The following TSN variants were observed in gnomAD, a reference collection of about 807,000 sequenced individuals.
TSN encodes the protein translin.
TSN carries 5 observed loss-of-function variants against 29.4 expected under a neutral mutation model. That is an observed-to-expected ratio of 0.17 (90% CI 0.09 to 0.36). The LOEUF is 0.36. Ranked by LOEUF, TSN falls within the 10% of genes least tolerant of loss-of-function variation. TSN has a pLI of 1.00. For synonymous variants in TSN, 106 were observed against 102.2 expected (o/e 1.04, Z -0.23); for missense variants, 159 against 272.8 (o/e 0.58, Z 2.94).
At chr2:121,759,454 G>A (rs906765990) in intron 3 of TSN, among the ~76,000 whole-genome samples, 7 of 152,006 alleles carry the variant, frequency 4.6e-5, no homozygotes, top group African/African-American at 1.7e-4. Context: ...CTAAAAATAC[G>A]AAAATTAGCC....
intron 1 of TSN, chr2:121,756,101 G>C: frequency 1.5e-6 from 1 of 684,622 alleles, no homozygotes; most frequent in Non-Finnish European, 2.3e-6. Flanking sequence ...TTCAGCACTT[G>C]TTTATATCGA....
intron 5 of TSN, 90 bp downstream of exon 5, chr2:121,763,174 G>T (rs287796): frequency 2.2e-6 from 2 of 918,202 alleles, no homozygotes; most frequent in East Asian, 3.3e-5. Flanking sequence ...ACAGAGTCCC[G>T]CTCTGTCGCC....
In TSN at chr2:121,761,535, T is replaced by G. The variant is rs775626150; in HGVS notation, c.373+11T>G. 1.4e-5 allele frequency: 23 copies of G among 1,587,930 alleles called. No individual in the cohort carries two copies. Among genetic ancestry groups the G allele is most frequent in the Non-Finnish European group, 1.9e-5 (22 of 1,156,220 alleles). On this transcript the variant is annotated intron_variant, in intron 4 of 5. Transcript: ENST00000389682. ...CAGAAATTCTTGGCAGTAAGTGTCT[T>G]TATTAGTGGGATCTGCAGAATCAGG...
Position 121,758,695 on chromosome 2 carries a change from A to G in TSN, c.161-15A>G, listed in dbSNP as rs1171020958. The G allele has an allele frequency of 6.5e-7, 1 of 1,539,470 alleles. No homozygotes were observed. Among genetic ancestry groups the G allele is most frequent in the South Asian group, 1.3e-5 (1 of 77,688 alleles). On this transcript the variant is annotated splice_polypyrimidine_tract_variant and intron_variant, in intron 2 of 5. Transcript: ENST00000389682. Reference sequence around the variant, plus strand: ...ATTTGGTTAAGTTTTTCATTTGGTTATCTTTTGTGACTAGTTCCAAAGAGG... The same window carrying G: ...ATTTGGTTAAGTTTTTCATTTGGTTGTCTTTTGTGACTAGTTCCAAAGAGG...
chr2:121,759,839 A>T (rs1254154453), intron 3 of TSN, among the ~76,000 whole-genome samples: 1 of 152,250 alleles, frequency 6.6e-6, no homozygotes. Context: ...TTGACAAACC[A>T]CTAGTGGCTG....
chr2:121,755,921 G>C, intron 1 of TSN, 76 bp downstream of exon 1: 2 of 1,601,380 alleles, frequency 1.2e-6, no homozygotes, highest in Non-Finnish European at 1.7e-6. Flanking sequence ...CTCCTCTGTC[G>C]CTCAGTCTCG....
chr2:121,757,479 A>G (rs2106452103), intron 2 of TSN, 146 bp downstream of exon 2: 1 of 1,485,100 alleles, frequency 6.7e-7, no homozygotes, highest in Middle Eastern at 1.9e-4. Flanking sequence ...ATTTTGGTTG[A>G]TTTTTCTTCC....
intron 4 of TSN, 23 bp from the exon 5 acceptor site, chr2:121,762,982 C>A: frequency 6.3e-7 from 1 of 1,588,762 alleles, no homozygotes; most frequent in Non-Finnish European, 8.6e-7. Flanking sequence ...CACAGCATGA[C>A]TTTATTTTCA....
intron 1 of TSN, chr2:121,756,192 T>C (rs879388770): frequency 1.4e-4 from 49 of 344,530 alleles, no homozygotes; most frequent in South Asian, 4.8e-4. Context: ...TGTGATCTGC[T>C]TAAAACTCTC....
chr2:121,759,249 CTG>C (rs1215032142), intron 3 of TSN, among the ~76,000 whole-genome samples: 1 of 152,100 alleles, frequency 6.6e-6, no homozygotes, highest in Non-Finnish European at 1.5e-5. Flanking sequence ...AAAATCAACA[CTG>C]TTGATTTTAA....
intron 3 of TSN, among the ~76,000 whole-genome samples, chr2:121,760,917 G>A (rs763899078): frequency 6.7e-6 from 1 of 150,098 alleles, no homozygotes; most frequent in Non-Finnish European, 1.5e-5. Flanking sequence ...GTCGTTCAGG[G>A]TGGAGTGCAG....
intron 5 of TSN, 52 bp downstream of exon 5, chr2:121,763,136 AGTTTT>A: frequency 3.1e-6 from 2 of 650,838 alleles, no homozygotes; most frequent in Non-Finnish European, 4.6e-6. Context: ...CTTCACTGTC[AGTTTT>A]TTTTTTTTTT....
At position 121,755,806 on chromosome 2, in the gene TSN, G is replaced by T; in HGVS notation, c.27G>T (p.Glu9Asp). The change falls in exon 1 of 6, where the codon GAG (glutamate) becomes GAT (aspartate). Residue 9 changes from glutamate (E) to aspartate (D), a missense_variant. By Grantham distance (45) the Glu-to-Asp change is conservative. Transcript: ENST00000389682. ...TGTCTGTGAGCGAGATCTTCGTGGA[G>T]CTGCAGGGCTTTTTGGCTGCCGAGC... MSVSEIFV[E>D]LQGFLAAEQD... is the part of the protein sequence containing the mutation. 1 of 1,614,072 alleles carries T rather than the reference G, an allele frequency of 6.2e-7. No individual in the cohort carries two copies.
At chr2:121,763,122 T>C in intron 5 of TSN, 38 bp downstream of exon 5, 2 of 1,389,692 alleles carry the variant, frequency 1.4e-6, no homozygotes, top group Non-Finnish European at 2.0e-6. Context: ...TTTTGATCTT[T>C]CTGCTTCACT....
chr2:121,755,936 G>A, intron 1 of TSN, 91 bp downstream of exon 1: 26 of 1,588,570 alleles, frequency 1.6e-5, no homozygotes, highest in Non-Finnish European at 2.2e-5. Context: ...GTCTCGGGCG[G>A]TGGGGACGCC....
Position 121,758,853 on chromosome 2 carries a change from G to A in TSN, c.257+47G>A, listed in dbSNP as rs2074783573. On this transcript the variant is annotated intron_variant, in intron 3 of 5. Transcript: ENST00000389682. ...ATTTTATAATGTTAAGTAAAAAAAA[G>A]GAGAAAAATTATGTGTACCAAATGA... 36 of 1,314,464 alleles carry A rather than the reference G, an allele frequency of 2.7e-5. No homozygotes were observed. The East Asian group carries it at 9.5e-4, about 35-fold the overall frequency. 81.4% of individuals were successfully genotyped at this position (1,314,464 alleles called of 1,614,324 possible).
At chr2:121,757,583 G>GA (rs34573779) in intron 2 of TSN, 1,290 of 571,964 alleles carry the variant, frequency 2.3e-3, no homozygotes, top group Non-Finnish European at 2.6e-3. Context: ...TTCCTGTTTA[G>GA]AAAAAAAAAG....
intron 5 of TSN, among the ~76,000 whole-genome samples, chr2:121,764,371 A>G (rs1343690548): frequency 6.6e-6 from 1 of 152,106 alleles, no homozygotes; most frequent in Non-Finnish European, 1.5e-5. Flanking sequence ...TTTGGAGACC[A>G]AGGTGGGAGG....
chr2:121,759,651 C>T (rs75186957), intron 3 of TSN, among the ~76,000 whole-genome samples: 4,015 of 151,986 alleles, frequency 0.026, 178 homozygotes, highest in African/African-American at 0.09. Context: ...GAAATGTCTC[C>T]TGGTTTCATA....
Sources: allele counts gnomAD v4.1 joint callset (sites outside exome capture counted in the v4.1 genomes callset), GRCh38; gene constraint gnomAD v4.1.1; transcripts MANE v1.5; gene names NCBI Gene and HGNC (gene_info 2026-07-23, HGNC 2026-07-21).